The following ABCA1 variants were observed in gnomAD, a reference collection of about 807,000 sequenced individuals.
ABCA1 encodes ATP binding cassette subfamily A member 1.
In ABCA1, 133 loss-of-function variants were observed where a neutral mutation model predicts 262.5. The ratio of observed to expected loss-of-function variants is 0.51; its 90% confidence interval spans 0.44 to 0.59. ABCA1 has a LOEUF of 0.59. Among genes scored for constraint, ABCA1 ranks in the 20% least tolerant of loss-of-function variants. ABCA1 has a pLI of 0.00. For missense variants in ABCA1, 2,452 were observed against 2,777.5 expected, an observed-to-expected ratio of 0.88 and a Z score of 2.63; for synonymous variants, 1,022 against 1,043.5, an observed-to-expected ratio of 0.98 and a Z score of 0.40.
intron 5 of ABCA1, among the ~76,000 whole-genome samples, chr9:104,866,379 C>T (rs1430794596): frequency 6.6e-6 from 1 of 152,132 alleles, no homozygotes; most frequent in African/African-American, 2.4e-5. Context: ...ATACCTTCTC[C>T]TCTTACCCCA....
chr9:104,813,815 T>G (rs1462296438), intron 27 of ABCA1, among the ~76,000 whole-genome samples: 1 of 152,204 alleles, frequency 6.6e-6, no homozygotes, highest in Non-Finnish European at 1.5e-5. Context: ...TGTTCAACAA[T>G]TAAACACCTA....
At chr9:104,823,789 G>A (rs1440038423) in intron 18 of ABCA1, among the ~76,000 whole-genome samples, 1 of 152,172 alleles carries the variant, frequency 6.6e-6, no homozygotes, top group Non-Finnish European at 1.5e-5. Flanking sequence ...GGTGTAAAGA[G>A]GAGGTAGGAG....
Position 104,817,652 on chromosome 9 carries a change from T to C in ABCA1, c.3463-248A>G, listed in dbSNP as rs1335459581. Among the ~76,000 whole-genome samples, 1 of 152,240 alleles carries C rather than the reference T, an allele frequency of 6.6e-6. No homozygotes were observed. Among genetic ancestry groups the C allele is most frequent in the Non-Finnish European group, 1.5e-5 (1 of 68,050 alleles). On this transcript the variant is annotated intron_variant, in intron 23 of 49. Coordinates refer to ENST00000374736, the MANE Select transcript of ABCA1 (RefSeq NM_005502.4). The surrounding 1 kb of genome is among the most constrained non-coding windows in gnomAD (Gnocchi z 4.7). ...CAGAGCTGCCAAAAGAACTGTGGCC[T>C]GCCAATGAATGCTGCAATGAGGCCT...
At position 104,810,923 on chromosome 9, in the gene ABCA1, A is replaced by G; in HGVS notation, c.4052T>C (p.Ile1351Thr). The G allele has an allele frequency of 6.2e-7, 1 of 1,614,190 alleles. No homozygotes were observed. The highest frequency in any genetic ancestry group is 8.5e-7 in the Non-Finnish European group (1 of 1,180,028). Reference protein sequence around the residue: ...RRSRKGFFAQIVLPAVFVCIA... With the variant: ...RRSRKGFFAQTVLPAVFVCIA... Reference sequence around the variant, plus strand: ...GCAGACAAACACAGCTGGCAAGACAATCTTTACCCAGGCAGTGGAGGGGGC... The same window carrying G: ...GCAGACAAACACAGCTGGCAAGACAGTCTTTACCCAGGCAGTGGAGGGGGC... Residue 1351 changes from isoleucine to threonine, a missense_variant and splice_region_variant, in exon 29 of 50, where the codon ATT (isoleucine) becomes ACT (threonine). Coordinates refer to ENST00000374736, the MANE Select transcript of ABCA1 (RefSeq NM_005502.4).
intron 2 of ABCA1, among the ~76,000 whole-genome samples, chr9:104,895,460 G>A (rs1255281686): frequency 6.6e-6 from 1 of 151,756 alleles, no homozygotes; most frequent in African/African-American, 2.4e-5. Flanking sequence ...TCCCAGGATT[G>A]TGACAACCAA....
At chr9:104,804,464 T>C (rs1483165985) in intron 32 of ABCA1, among the ~76,000 whole-genome samples, 162 bp downstream of exon 32, 1 of 152,214 alleles carries the variant, frequency 6.6e-6, no homozygotes, top group Non-Finnish European at 1.5e-5. Context: ...TCACAGTCCC[T>C]CTCGTCATCT....
chr9:104,885,789 G>A (rs939264983), intron 3 of ABCA1, among the ~76,000 whole-genome samples: 2 of 152,078 alleles, frequency 1.3e-5, no homozygotes, highest in East Asian at 3.9e-4. Context: ...TGGACAGAAA[G>A]GCCAGAGCTC....
intron 20 of ABCA1, among the ~76,000 whole-genome samples, chr9:104,820,358 C>A (rs935952471): frequency 1.1e-4 from 16 of 152,096 alleles, no homozygotes; most frequent in African/African-American, 3.9e-4. Context: ...TTTCAGGGCC[C>A]CAAGATGTGG....
At position 104,783,625 on chromosome 9, in the gene ABCA1, G is replaced by A. The variant is rs1036792572; in HGVS notation, c.*690C>T. 5 of 152,546 alleles carry A rather than the reference G, an allele frequency of 3.3e-5. No individual in the cohort carries two copies. The highest frequency in any genetic ancestry group is 5.9e-5 in the Non-Finnish European group (4 of 68,362). The allele number at this position is 152,546 out of a possible 1,614,324, so 9.4% of individuals were successfully genotyped here. On this transcript the variant is annotated 3_prime_UTR_variant, in exon 50 of 50. Coordinates refer to ENST00000374736, the MANE Select transcript of ABCA1 (RefSeq NM_005502.4). ...TGGAACCAAGTTTCCCGTGCCTGGA[G>A]ACACCCACATTTTTGTTGCATGTTA...
rs1250072782 is a variant in ABCA1, at chr9:104,781,978, G to C, written c.*2337C>G. ...ATAGATTGTTTCTAGCTTCAGAAGA[G>C]GTCCTTTCAATCTGTATTAAAATGT... On this transcript the variant is annotated 3_prime_UTR_variant, in exon 50 of 50. Coordinates refer to ENST00000374736, the MANE Select transcript of ABCA1 (RefSeq NM_005502.4). The C allele has an allele frequency of 6.6e-6, 1 of 152,096 alleles. No homozygotes were observed. Among genetic ancestry groups the C allele is most frequent in the African/African-American group, 2.4e-5 (1 of 41,440 alleles). 9.4% of individuals were successfully genotyped at this position (152,096 alleles called of 1,614,324 possible).
chr9:104,786,825 G>A (rs1217254651), intron 47 of ABCA1, 48 bp downstream of exon 47: 2 of 1,498,394 alleles, frequency 1.3e-6, no homozygotes, highest in Admixed American at 1.7e-5. Flanking sequence ...ATTCTACTTG[G>A]AAAGTTAAAA....
chr9:104,793,782 C>T (rs1003826399), intron 40 of ABCA1, among the ~76,000 whole-genome samples: 11 of 152,024 alleles, frequency 7.2e-5, no homozygotes, highest in Admixed American at 7.2e-4. Context: ...CCTTAAATTC[C>T]TTACATATCT....
At position 104,821,059 on chromosome 9, in the gene ABCA1, A is replaced by C. The variant is rs575379907; in HGVS notation, c.2960+316T>G. Reference sequence around the variant, plus strand: ...AGACATTGAGACCATCCTGGCCAACATGGTGAAACCCCGTCTCTACTAAAA... The same window carrying C: ...AGACATTGAGACCATCCTGGCCAACCTGGTGAAACCCCGTCTCTACTAAAA... On this transcript the variant is annotated intron_variant, in intron 20 of 49. Transcript: ENST00000374736. 1.3e-3 allele frequency among the ~76,000 whole-genome samples: 197 copies of C among 152,268 alleles called. 1 individual carries two copies. Among genetic ancestry groups the C allele is most frequent in the Non-Finnish European group, 2.6e-3 (178 of 68,016 alleles).
intron 11 of ABCA1, among the ~76,000 whole-genome samples, chr9:104,835,332 A>G (rs1032756185): frequency 5.3e-5 from 8 of 149,728 alleles, no homozygotes; most frequent in Non-Finnish European, 1.0e-4. Context: ...CAGGCTGATG[A>G]CTCCCTCATC....
chr9:104,800,134 G>T, intron 35 of ABCA1, 146 bp from the exon 36 acceptor site: 1 of 928,456 alleles, frequency 1.1e-6, no homozygotes, highest in Non-Finnish European at 1.7e-6. Flanking sequence ...AGAATATGGC[G>T]AAGTAATTAC....
intron 23 of ABCA1, among the ~76,000 whole-genome samples, chr9:104,818,458 G>A (rs559915469): frequency 3.9e-5 from 6 of 152,282 alleles, no homozygotes; most frequent in East Asian, 1.9e-4. Context: ...AAAGGAAAAC[G>A]GGATTCAACA....
intron 28 of ABCA1, among the ~76,000 whole-genome samples, chr9:104,811,757 T>C (rs1246965191): frequency 6.6e-6 from 1 of 152,264 alleles, no homozygotes; most frequent in Non-Finnish European, 1.5e-5. Flanking sequence ...TATCTCTATG[T>C]TGTCATTATT....
Position 104,809,849 on chromosome 9 carries a change from A to G in ABCA1, c.4176-285T>C, listed in dbSNP as rs923328206. Among the ~76,000 whole-genome samples the G allele has an allele frequency of 2.0e-5, 3 of 152,096 alleles. No homozygotes were observed. The South Asian group carries it at 6.2e-4, about 32-fold the overall frequency. On this transcript the variant is annotated intron_variant, in intron 29 of 49. Coordinates refer to ENST00000374736, the MANE Select transcript of ABCA1 (RefSeq NM_005502.4). ...CATGTACATACACATATACATTTAT[A>G]TATTTTTTTTAATTTGAAGAAAATC...
intron 6 of ABCA1, chr9:104,861,410 G>A (rs1364759951): frequency 3.4e-6 from 2 of 595,784 alleles, no homozygotes; most frequent in Non-Finnish European, 3.0e-6. Context: ...ATCCCTTGTA[G>A]GAGGAAATCA....
Sources: allele counts gnomAD v4.1 joint callset (sites outside exome capture counted in the v4.1 genomes callset), GRCh38; gene constraint gnomAD v4.1.1; non-coding constraint Gnocchi (gnomAD v3.1); transcripts MANE v1.5; gene names NCBI Gene and HGNC (gene_info 2026-07-23, HGNC 2026-07-21).